PGAP1: variants seen among roughly 807,000 people sequenced by gnomAD.
PGAP1 encodes the protein GPI inositol-deacylase.
PGAP1 carries 76 observed loss-of-function variants against 127.0 expected under a neutral mutation model. That is an observed-to-expected ratio of 0.60 (90% CI 0.50 to 0.72). The LOEUF (loss-of-function observed/expected upper bound fraction) is 0.72, where lower values mean the gene tolerates loss of function less well. Among genes scored for constraint, PGAP1 ranks in the 30% least tolerant of loss-of-function variants. The probability of loss-of-function intolerance (pLI) is 0.00; values close to 1 mark genes in which losing one functional copy is unlikely to be tolerated. For synonymous variants in PGAP1, 362 were observed against 366.5 expected (o/e 0.99, Z 0.14); for missense variants, 982 against 1,071.3 (o/e 0.92, Z 1.16).
intron 20 of PGAP1, among the ~76,000 whole-genome samples, chr2:196,862,829 A>T (rs1336547524): frequency 6.6e-6 from 1 of 152,186 alleles, no homozygotes; most frequent in Admixed American, 6.5e-5. Context: ...GAGGCAGGAG[A>T]ATCTCTTGAA....
chr2:196,884,639 T>C (rs1701841420), intron 12 of PGAP1, among the ~76,000 whole-genome samples: 1 of 152,140 alleles, frequency 6.6e-6, no homozygotes, highest in South Asian at 2.1e-4. Context: ...TTAATTGGAG[T>C]TAATCGTGAA....
intron 20 of PGAP1, among the ~76,000 whole-genome samples, chr2:196,863,677 A>C (rs1266195120): frequency 6.6e-6 from 1 of 152,182 alleles, no homozygotes; most frequent in Non-Finnish European, 1.5e-5. Flanking sequence ...TCCCGGATTC[A>C]AGCGATTCTC....
chr2:196,842,164 G>A (rs934468011), intron 26 of PGAP1, among the ~76,000 whole-genome samples: 1 of 151,946 alleles, frequency 6.6e-6, no homozygotes, highest in Non-Finnish European at 1.5e-5. Context: ...TAGAGAAACT[G>A]AGAATAAGAG....
At chr2:196,884,543 A>G (rs185231536) in intron 12 of PGAP1, among the ~76,000 whole-genome samples, 1 of 152,310 alleles carries the variant, frequency 6.6e-6, no homozygotes, top group Admixed American at 6.5e-5. Context: ...CTCTGTTAGC[A>G]TAAGTTTCTC....
In PGAP1 at chr2:196,903,560, C is replaced by CA. The variant is rs11312715; in HGVS notation, c.650-819dup. Among the ~76,000 whole-genome samples the CA allele has an allele frequency of 2.1e-3, 165 of 79,246 alleles. 1 individual carries two copies. Among genetic ancestry groups the CA allele is most frequent in the African/African-American group, 6.6e-3 (147 of 22,302 alleles). The allele number at this position is 79,246 out of a possible 152,430, so 52.0% of individuals were successfully genotyped here. A position where few individuals can be genotyped will look rare whatever the true frequency, so the allele number is the denominator to read the frequency against. ...TGGGCAACAGAGCGAGACTCTGTCTCAAAAAAAAAAAAAAAAAAAAAGAAA... is the reference window on the plus strand; with the variant it reads ...TGGGCAACAGAGCGAGACTCTGTCTCAAAAAAAAAAAAAAAAAAAAAAGAAA... On this transcript the variant is annotated intron_variant, in intron 4 of 26. Transcript: ENST00000354764.
At position 196,833,552 on chromosome 2, in the gene PGAP1, G is replaced by C. The variant is rs1700152646; in HGVS notation, c.*7682C>G. 2 of 152,120 alleles carry C rather than the reference G, an allele frequency of 1.3e-5. No individual in the cohort carries two copies. The allele number at this position is 152,120 out of a possible 1,614,324, so 9.4% of individuals were successfully genotyped here. A position where few individuals can be genotyped will look rare whatever the true frequency, so the allele number is the denominator to read the frequency against. On this transcript the variant is annotated 3_prime_UTR_variant, in exon 27 of 27. Transcript: ENST00000354764. Reference sequence around the variant, plus strand: ...TAGTATAAAAATTGATGCAGGTTGAGAGCCATTTATTTTATTACATACCCT... The same window carrying C: ...TAGTATAAAAATTGATGCAGGTTGACAGCCATTTATTTTATTACATACCCT...
In PGAP1 at chr2:196,926,692, G is replaced by C. The variant is rs369966474; in HGVS notation, c.-76C>G. 2.5e-6 allele frequency: 4 copies of C among 1,597,746 alleles called. No individual in the cohort carries two copies. In the Admixed American group the frequency reaches 6.8e-5, roughly 27 times the overall value. The stretch of plus-strand genomic sequence containing the variant: ...CGCCGCGGGGCCCCAAGCCCGGACT[G>C]AGCGTGCTAGACACTGTCCGACCGC... On this transcript the variant is annotated 5_prime_UTR_variant, in exon 1 of 27. Transcript: ENST00000354764.
intron 1 of PGAP1, among the ~76,000 whole-genome samples, chr2:196,923,576 T>C (rs1173656078): frequency 1.3e-5 from 2 of 152,206 alleles, no homozygotes; most frequent in Admixed American, 6.5e-5. Context: ...TAGATATACC[T>C]GGCAAAGACT....
At chr2:196,851,725 C>A (rs1700728116) in intron 20 of PGAP1, among the ~76,000 whole-genome samples, 1 of 152,058 alleles carries the variant, frequency 6.6e-6, no homozygotes. Flanking sequence ...TTTTGTCAGG[C>A]CAAGACTCTC....
intron 1 of PGAP1, among the ~76,000 whole-genome samples, chr2:196,923,746 C>T (rs1490073156): frequency 2.0e-5 from 3 of 151,870 alleles, no homozygotes; most frequent in African/African-American, 7.3e-5. Flanking sequence ...CTGCAACCTC[C>T]GCCTCCCTGG....
At position 196,846,983 on chromosome 2, in the gene PGAP1, G is replaced by T. The variant is rs552249624; in HGVS notation, c.2150+20C>A. On this transcript the variant is annotated intron_variant, in intron 22 of 26. Coordinates refer to ENST00000354764, the MANE Select transcript of PGAP1 (RefSeq NM_024989.4). ...TTCTTCTTAAAGCAATAAGAAAGCT[G>T]TTAATCATTCATTCTTTACCTTTTC... 1.3e-6 allele frequency: 2 copies of T among 1,580,310 alleles called. No individual in the cohort carries two copies. The highest frequency in any genetic ancestry group is 2.3e-5 in the South Asian group (2 of 88,022).
chr2:196,863,088 G>A (rs966512222), intron 20 of PGAP1, among the ~76,000 whole-genome samples: 6 of 152,132 alleles, frequency 3.9e-5, no homozygotes, highest in African/African-American at 1.4e-4. Context: ...TGAGGATACG[G>A]AAAAAGGGGA....
chr2:196,885,885 T>G lies in PGAP1; in HGVS notation c.1174-5A>C. ...AAAAATCCAACTATTTGTATCCTGT[T>G]GATGAACAGCACAAAACAAAACACA... On this transcript the variant is annotated splice_polypyrimidine_tract_variant and splice_region_variant and intron_variant, in intron 10 of 26. Coordinates refer to ENST00000354764, the MANE Select transcript of PGAP1 (RefSeq NM_024989.4). The G allele has an allele frequency of 7.1e-7, 1 of 1,401,244 alleles. No homozygotes were observed. Among genetic ancestry groups the G allele is most frequent in the Non-Finnish European group, 9.3e-7 (1 of 1,072,388 alleles). The allele number at this position is 1,401,244 out of a possible 1,614,324, so 86.8% of individuals were successfully genotyped here. A position where few individuals can be genotyped will look rare whatever the true frequency, so the allele number is the denominator to read the frequency against.
chr2:196,864,774 A>G (rs1333673536), intron 20 of PGAP1, among the ~76,000 whole-genome samples: 1 of 152,152 alleles, frequency 6.6e-6, no homozygotes, highest in African/African-American at 2.4e-5. Flanking sequence ...ATCACATGCT[A>G]TTTTGGAATT....
rs909209279 is a variant in PGAP1, at chr2:196,833,554, G to C, written c.*7680C>G. The C allele has an allele frequency of 6.6e-6, 1 of 152,108 alleles. No homozygotes were observed. The highest frequency in any genetic ancestry group is 1.5e-5 in the Non-Finnish European group (1 of 67,988). 9.4% of individuals were successfully genotyped at this position (152,108 alleles called of 1,614,324 possible). A position where few individuals can be genotyped will look rare whatever the true frequency, so the allele number is the denominator to read the frequency against. ...GTATAAAAATTGATGCAGGTTGAGA[G>C]CCATTTATTTTATTACATACCCTTG... On this transcript the variant is annotated 3_prime_UTR_variant, in exon 27 of 27. Coordinates refer to ENST00000354764, the MANE Select transcript of PGAP1 (RefSeq NM_024989.4).
At chr2:196,871,639 A>G (rs953169537) in intron 18 of PGAP1, among the ~76,000 whole-genome samples, 28 of 152,196 alleles carry the variant, frequency 1.8e-4, no homozygotes, top group African/African-American at 6.8e-4. Context: ...GCAATAATAA[A>G]TTCCATGAAA....
chr2:196,870,965 A>G lies in PGAP1; in HGVS notation c.1743T>C (p.Thr581=). The G allele has an allele frequency of 1.2e-6, 2 of 1,607,344 alleles. No individual in the cohort carries two copies. Among genetic ancestry groups the G allele is most frequent in the Non-Finnish European group, 1.7e-6 (2 of 1,174,488 alleles). Residue 581 remains threonine, a synonymous_variant, in exon 19 of 27, where the codon ACT becomes ACC. Coordinates refer to ENST00000354764, the MANE Select transcript of PGAP1 (RefSeq NM_024989.4). ...SDCRYEVTVK[T]SFSQILGQVV... is the part of the protein sequence containing the mutation. The stretch of plus-strand genomic sequence containing the variant: ...CCTGTCCAAGTATTTGTGAAAAGGA[A>G]GTCTTAACTGTCACCTAGTTTAAAA...
intron 20 of PGAP1, among the ~76,000 whole-genome samples, chr2:196,862,216 G>C (rs1701090151): frequency 1.3e-5 from 2 of 152,052 alleles, no homozygotes; most frequent in South Asian, 4.2e-4. Context: ...TAGGTCTATA[G>C]ACGGGCTCCC....
At chr2:196,902,177 G>C (rs1383438446) in intron 5 of PGAP1, among the ~76,000 whole-genome samples, 2 of 152,052 alleles carry the variant, frequency 1.3e-5, no homozygotes, top group African/African-American at 4.8e-5. Flanking sequence ...TTACCACCAT[G>C]CCAAATTAGC....
Sources: gnomAD v4.1 joint callset for allele counts (sites outside exome capture counted in the v4.1 genomes callset) on GRCh38, gnomAD v4.1.1 for gene constraint, MANE v1.5 for transcripts, NCBI Gene and HGNC (gene_info 2026-07-23, HGNC 2026-07-21) for gene names.